Variants in CDIN1 observed in about 807,000 individuals in gnomAD.
CDIN1 encodes the protein CDAN1-interacting nuclease 1.
A neutral mutation model predicts 45.3 loss-of-function variants in CDIN1; 33 were observed. That is an observed-to-expected ratio of 0.73 (90% CI 0.55 to 0.97). CDIN1 has a LOEUF of 0.97. Among genes scored for constraint, CDIN1 ranks in the 50% least tolerant of loss-of-function variants. CDIN1 has a pLI of 0.00. For synonymous variants in CDIN1, 118 were observed against 124.4 expected (o/e 0.95, Z 0.34); for missense variants, 303 against 339.4 (o/e 0.89, Z 0.84).
intron 5 of CDIN1, chr15:36,691,137 G>A (rs373338551): frequency 9.6e-6 from 5 of 518,150 alleles, no homozygotes; most frequent in African/African-American, 7.7e-5. Flanking sequence ...CTTGTGGAAT[G>A]GAGATAGGAT....
chr15:36,720,035 T>A (rs913132463), intron 10 of CDIN1, among the ~76,000 whole-genome samples: 1 of 149,708 alleles, frequency 6.7e-6, no homozygotes, highest in African/African-American at 2.5e-5. Flanking sequence ...ATCCATTTTA[T>A]TGTTCTTCTA....
intron 10 of CDIN1, among the ~76,000 whole-genome samples, chr15:36,752,710 T>C (rs1296986779): frequency 6.6e-6 from 1 of 152,226 alleles, no homozygotes; most frequent in Non-Finnish European, 1.5e-5. Flanking sequence ...ACTCGAAACA[T>C]ATAATGTATT....
chr15:36,770,110 T>TTCTC (rs150116594), intron 10 of CDIN1, among the ~76,000 whole-genome samples: 90 of 149,682 alleles, frequency 6.0e-4, no homozygotes, highest in African/African-American at 1.8e-3. Flanking sequence ...CTTTCTCCCT[T>TTCTC]TCTCTCTCTC....
At chr15:36,691,568 A>G in intron 5 of CDIN1, 117 bp from the exon 6 acceptor site, 2 of 641,800 alleles carry the variant, frequency 3.1e-6, no homozygotes, top group Non-Finnish European at 5.3e-6. Context: ...AAAAATGATT[A>G]ATGCCAGTCA....
chr15:36,695,718 G>A (rs1000758823), intron 7 of CDIN1, among the ~76,000 whole-genome samples: 18 of 151,942 alleles, frequency 1.2e-4, no homozygotes, highest in African/African-American at 3.9e-4. Context: ...GTGGTCACAG[G>A]CACCTGTAAT....
At chr15:36,783,004 G>A (rs1337215504) in intron 10 of CDIN1, among the ~76,000 whole-genome samples, 1 of 152,126 alleles carries the variant, frequency 6.6e-6, no homozygotes, top group Non-Finnish European at 1.5e-5. Flanking sequence ...AAGTGGAGAT[G>A]AATTTTTAAA....
At chr15:36,701,114 ATAGGTAGG>A (rs56409880) in intron 8 of CDIN1, among the ~76,000 whole-genome samples, 27 of 117,984 alleles carry the variant, frequency 2.3e-4, no homozygotes, top group African/African-American at 6.6e-4. Context: ...AGATAGATAG[ATAGGTAGG>A]TAGATAGATA....
chr15:36,637,531 C>T (rs547524034), intron 1 of CDIN1, among the ~76,000 whole-genome samples: 58 of 152,048 alleles, frequency 3.8e-4, no homozygotes, highest in Non-Finnish European at 6.0e-4. Context: ...AGTTTAAAGT[C>T]GTTACAAACA....
At chr15:36,674,600 A>C (rs1169805055) in intron 5 of CDIN1, among the ~76,000 whole-genome samples, 1 of 152,164 alleles carries the variant, frequency 6.6e-6, no homozygotes, top group African/African-American at 2.4e-5. Flanking sequence ...AACTACCATT[A>C]GGCAGAAAAA....
intron 1 of CDIN1, chr15:36,618,716 G>T: frequency 3.9e-6 from 3 of 764,260 alleles, no homozygotes; most frequent in Non-Finnish European, 7.2e-6. Flanking sequence ...ATGAGTACCA[G>T]TTCTCCATGT....
chr15:36,615,109 T>G (rs2038828374), intron 1 of CDIN1, among the ~76,000 whole-genome samples: 1 of 152,256 alleles, frequency 6.6e-6, no homozygotes, highest in Non-Finnish European at 1.5e-5. Flanking sequence ...TTTGTATCAG[T>G]CAGTGCTGGA....
intron 1 of CDIN1, among the ~76,000 whole-genome samples, chr15:36,632,574 G>A (rs577570513): frequency 1.2e-4 from 19 of 152,242 alleles, no homozygotes; most frequent in African/African-American, 4.6e-4. Flanking sequence ...TTGCCCTACC[G>A]TAGTTCAACC....
At chr15:36,671,963 A>G (rs1239996763) in intron 5 of CDIN1, among the ~76,000 whole-genome samples, 1 of 152,086 alleles carries the variant, frequency 6.6e-6, no homozygotes, top group Non-Finnish European at 1.5e-5. Context: ...CACTGTTTTA[A>G]TTAATCATTT....
In CDIN1 at chr15:36,682,672, A is replaced by G. The variant is rs75660618; in HGVS notation, c.347-9013A>G. Among the ~76,000 whole-genome samples, 160 of 148,162 alleles carry G rather than the reference A, an allele frequency of 1.1e-3. 2 individuals carry two copies. The East Asian group carries it at 0.025, about 23-fold the overall frequency. On this transcript the variant is annotated intron_variant, in intron 5 of 10. Transcript: ENST00000566621. ...GTAGTCCCAGCTACCAGGGAGACTG[A>G]GATGGGAGGGTATATTGAGCCTGGA...
At chr15:36,673,075 T>C (rs947604363) in intron 5 of CDIN1, among the ~76,000 whole-genome samples, 3 of 152,042 alleles carry the variant, frequency 2.0e-5, no homozygotes, top group Non-Finnish European at 4.4e-5. Flanking sequence ...GAGTAACCCT[T>C]TGGAGTCATC....
intron 5 of CDIN1, chr15:36,669,119 T>C (rs916871432): frequency 6.6e-6 from 1 of 152,174 alleles, no homozygotes; most frequent in Non-Finnish European, 1.5e-5. Flanking sequence ...AAATTAATTA[T>C]GGTCTTATGA....
At chr15:36,609,611 C>A (rs1044900867) in intron 1 of CDIN1, among the ~76,000 whole-genome samples, 2 of 152,018 alleles carry the variant, frequency 1.3e-5, no homozygotes, top group African/African-American at 4.8e-5. Context: ...AGTGATTAAC[C>A]AGATATGGTT....
chr15:36,616,432 GC>G (rs2038893322), intron 1 of CDIN1, among the ~76,000 whole-genome samples: 1 of 151,978 alleles, frequency 6.6e-6, no homozygotes, highest in Admixed American at 6.5e-5. Flanking sequence ...ACAAGCATGA[GC>G]CACTACACCC....
intron 10 of CDIN1, among the ~76,000 whole-genome samples, chr15:36,789,567 G>T (rs1317513405): frequency 2.0e-5 from 3 of 152,140 alleles, no homozygotes; most frequent in Non-Finnish European, 4.4e-5. Context: ...AATAATTTCT[G>T]GTGTTCTGTT....
Sources: allele counts gnomAD v4.1 joint callset (sites outside exome capture counted in the v4.1 genomes callset), GRCh38; gene constraint gnomAD v4.1.1; transcripts MANE v1.5; gene names NCBI Gene and HGNC (gene_info 2026-07-23, HGNC 2026-07-21).